TRAK1: variants seen among roughly 807,000 people sequenced by gnomAD.
The protein encoded by TRAK1 is trafficking kinesin protein 1.
Under a neutral mutation model 92.1 loss-of-function variants are expected in TRAK1, and 33 were observed. The observed-to-expected ratio is 0.36, with a 90% CI of 0.27 to 0.48. TRAK1 has a LOEUF of 0.48. Ranked by LOEUF, TRAK1 falls within the 20% of genes least tolerant of loss-of-function variation. The pLI, the probability that TRAK1 is intolerant of heterozygous loss-of-function variation, is 0.99. For synonymous variants in TRAK1, 521 were observed against 517.3 expected, an observed-to-expected ratio of 1.01 and a Z score of -0.10; for missense variants, 1,123 against 1,257.9, an observed-to-expected ratio of 0.89 and a Z score of 1.62.
rs1166361995 is a variant in TRAK1, at chr3:42,202,906, G to A, written c.1744+154G>A. On this transcript the variant is annotated intron_variant, in intron 13 of 15. Coordinates refer to ENST00000327628, the MANE Select transcript of TRAK1 (RefSeq NM_001042646.3). This position sits in a 1 kb window ranked among gnomAD's most constrained non-coding sequence, Gnocchi z 6.1. ...TGCTGGTTTGAGTTCCTCTGAGGGT[G>A]GTGCTCAGCCTAGGCCTCCGTCCCT... is the stretch of plus-strand genomic sequence containing the variant. The A allele has an allele frequency of 6.9e-7, 1 of 1,443,590 alleles. No homozygotes were observed. Among genetic ancestry groups the A allele is most frequent in the South Asian group, 1.4e-5 (1 of 69,122 alleles). The allele number at this position is 1,443,590 out of a possible 1,614,324, so 89.4% of individuals were successfully genotyped here.
chr3:42,124,963 A>C lies in TRAK1; in HGVS notation c.92-457A>C, dbSNP rs1368892909. 5.3e-5 allele frequency among the ~76,000 whole-genome samples: 8 copies of C among 152,200 alleles called. No homozygotes were observed. The East Asian group carries it at 1.2e-3, about 22-fold the overall frequency. ...CGATGGAAGGAAGGAAGTGTGGATG[A>C]ATGAACAGATGAATGAATAAATTAA... is the stretch of plus-strand genomic sequence containing the variant. On this transcript the variant is annotated intron_variant, in intron 1 of 15. Transcript: ENST00000327628.
intron 1 of TRAK1, among the ~76,000 whole-genome samples, chr3:42,018,539 A>G (rs1204146780): frequency 6.6e-6 from 1 of 152,238 alleles, no homozygotes; most frequent in East Asian, 1.9e-4. Context: ...AAATAAGACC[A>G]TGCTGTGGGT....
rs1703346102 is a variant in TRAK1 at position 42,177,249 on chromosome 3, T to G, written c.363+359T>G. Among the ~76,000 whole-genome samples, 4 of 152,218 alleles carry G rather than the reference T, an allele frequency of 2.6e-5. 1 individual carries two copies. The South Asian group carries it at 8.3e-4, about 32-fold the overall frequency. On this transcript the variant is annotated intron_variant, in intron 3 of 15. Coordinates refer to ENST00000327628, the MANE Select transcript of TRAK1 (RefSeq NM_001042646.3). Reference sequence around the variant, plus strand: ...CATATCTGTGTCTTCCTAATGTATTTAAGTTTTTACTTAGGCTAGTGGAAT... The same window carrying G: ...CATATCTGTGTCTTCCTAATGTATTGAAGTTTTTACTTAGGCTAGTGGAAT...
intron 1 of TRAK1, among the ~76,000 whole-genome samples, chr3:42,099,840 G>A (rs557240844): frequency 6.6e-6 from 1 of 152,324 alleles, no homozygotes; most frequent in South Asian, 2.1e-4. Flanking sequence ...GTAGAAATGA[G>A]AAGGGGCAAA....
chr3:42,094,795 T>C (rs1039546211), intron 1 of TRAK1, among the ~76,000 whole-genome samples: 15 of 152,236 alleles, frequency 9.9e-5, no homozygotes, highest in Non-Finnish European at 7.3e-5. Context: ...GGAATTGTGT[T>C]ACTTGATGGT....
rs889072952 is a variant in TRAK1, at chr3:42,114,938, C to T, written c.92-10482C>T. Among the ~76,000 whole-genome samples, 3 of 152,122 alleles carry T rather than the reference C, an allele frequency of 2.0e-5. No homozygotes were observed. The South Asian group carries it at 6.2e-4, about 32-fold the overall frequency. On this transcript the variant is annotated intron_variant, in intron 1 of 15. Transcript: ENST00000327628. ...GTGTTGGCCAGGCTGATCTCGAACT[C>T]CTAGCCTCTAGTGATCTGCCCGCCT...
chr3:42,223,230 G>A lies in TRAK1; in HGVS notation c.2355G>A (p.Ser785=), dbSNP rs746326356. The change falls in exon 16 of 16, where the codon TCG becomes TCA. Residue 785 remains serine (S), a synonymous_variant. Coordinates refer to ENST00000327628, the MANE Select transcript of TRAK1 (RefSeq NM_001042646.3). The surrounding 1 kb of genome is among the most constrained non-coding windows in gnomAD (Gnocchi z 6.1). ...MAVIPSTPPN[S]PMQTPTSSPP... ...TGATCCCCTCTACTCCGCCGAACTC[G>A]CCTATGCAGACACCCACATCCTCCC... 5.0e-6 allele frequency: 8 copies of A among 1,614,014 alleles called. No individual in the cohort carries two copies. Among genetic ancestry groups the A allele is most frequent in the South Asian group, 1.1e-5 (1 of 91,092 alleles).
intron 15 of TRAK1, chr3:42,220,698 T>G: frequency 2.7e-6 from 2 of 750,732 alleles, no homozygotes; most frequent in Non-Finnish European, 3.2e-6. Context: ...GATGTGTCTC[T>G]GTGGTTGTGC....
Position 42,202,951 on chromosome 3 carries a change from T to C in TRAK1, c.1744+199T>C, listed in dbSNP as rs1707849792. On this transcript the variant is annotated intron_variant, in intron 13 of 15. Transcript: ENST00000327628. The surrounding 1 kb of genome is among the most constrained non-coding windows in gnomAD (Gnocchi z 6.1). Reference sequence around the variant, plus strand: ...GTCCCTCCCCTCTGGCTGGCAGGTGTGACAATGCACACATAGGCCATGAAA... The same window carrying C: ...GTCCCTCCCCTCTGGCTGGCAGGTGCGACAATGCACACATAGGCCATGAAA... 1 of 1,399,376 alleles carries C rather than the reference T, an allele frequency of 7.1e-7. No homozygotes were observed. The highest frequency in any genetic ancestry group is 9.3e-7 in the Non-Finnish European group (1 of 1,076,286). 86.7% of individuals were successfully genotyped at this position (1,399,376 alleles called of 1,614,324 possible).
intron 1 of TRAK1, among the ~76,000 whole-genome samples, chr3:42,072,064 G>C (rs1394322074): frequency 2.0e-5 from 3 of 152,178 alleles, no homozygotes; most frequent in African/African-American, 7.2e-5. Context: ...ATGCCTCTCT[G>C]AGAACTGCCT....
At chr3:42,192,953 A>C in intron 7 of TRAK1, 122 bp from the exon 8 acceptor site, 1 of 1,418,440 alleles carries the variant, frequency 7.1e-7, no homozygotes, top group Non-Finnish European at 9.5e-7. Context: ...CACCCTCCCC[A>C]CTCTACCCTG....
chr3:42,142,875 A>G (rs1318989974), intron 2 of TRAK1, among the ~76,000 whole-genome samples: 1 of 152,200 alleles, frequency 6.6e-6, no homozygotes, highest in Admixed American at 6.5e-5. Context: ...AACACAGTGC[A>G]TGGTACGTGC....
chr3:42,156,946 G>C (rs1700602583), intron 2 of TRAK1, among the ~76,000 whole-genome samples: 2 of 152,138 alleles, frequency 1.3e-5, no homozygotes, highest in Non-Finnish European at 2.9e-5. Context: ...TTGAGGTCAG[G>C]AGTTTGAGAC....
intron 1 of TRAK1, among the ~76,000 whole-genome samples, chr3:42,037,302 A>T (rs1172100929): frequency 2.0e-5 from 3 of 152,232 alleles, no homozygotes; most frequent in Non-Finnish European, 2.9e-5. Context: ...TGTCCATTTT[A>T]GACCCATTTT....
upstream of TRAK1, among the ~76,000 whole-genome samples, chr3:42,085,972 C>A (rs1482174719): frequency 4.6e-5 from 7 of 152,218 alleles, no homozygotes; most frequent in East Asian, 7.7e-4. Context: ...CTTTGTAGAC[C>A]CTCTGAACTA....
chr3:42,066,262 G>T (rs964761581), intron 1 of TRAK1, among the ~76,000 whole-genome samples: 2 of 152,176 alleles, frequency 1.3e-5, no homozygotes, highest in African/African-American at 4.8e-5. Flanking sequence ...GGAGGCAAAG[G>T]TTACAGTGAG....
intron 1 of TRAK1, among the ~76,000 whole-genome samples, chr3:42,099,762 G>T (rs1488703119): frequency 2.0e-5 from 3 of 152,172 alleles, no homozygotes; most frequent in Non-Finnish European, 2.9e-5. Context: ...CATTCAGGTT[G>T]TCATACCTTC....
chr3:42,080,491 G>A (rs1053595394), intron 1 of TRAK1, among the ~76,000 whole-genome samples: 22 of 152,170 alleles, frequency 1.4e-4, no homozygotes, highest in Non-Finnish European at 8.8e-5. Flanking sequence ...AAACAGAGGC[G>A]CTTTCATCTC....
chr3:42,079,850 A>G (rs928104732), intron 1 of TRAK1, among the ~76,000 whole-genome samples: 5 of 152,026 alleles, frequency 3.3e-5, no homozygotes, highest in African/African-American at 9.7e-5. Context: ...TACAAAGGGC[A>G]GCTCTGTCTG....
Sources: gnomAD v4.1 joint callset for allele counts (sites outside exome capture counted in the v4.1 genomes callset) on GRCh38, gnomAD v4.1.1 for gene constraint, Gnocchi (gnomAD v3.1) non-coding constraint, MANE v1.5 for transcripts, NCBI Gene and HGNC (gene_info 2026-07-23, HGNC 2026-07-21) for gene names.